Variants in DENND1A observed in about 807,000 individuals in gnomAD.
The protein encoded by DENND1A is DENN domain containing 1A.
A neutral mutation model predicts 113.7 loss-of-function variants in DENND1A; 51 were observed. The observed-to-expected ratio is 0.45, with a 90% CI of 0.36 to 0.57. DENND1A has a LOEUF of 0.57. Among genes scored for constraint, DENND1A ranks in the 20% least tolerant of loss-of-function variants. The pLI is 0.00. For synonymous variants in DENND1A, 565 were observed against 570.8 expected (o/e 0.99, Z 0.14); for missense variants, 1,258 against 1,395.9 (o/e 0.90, Z 1.57).
chr9:123,791,188 A>C (rs553498472), intron 3 of DENND1A, among the ~76,000 whole-genome samples: 50 of 152,306 alleles, frequency 3.3e-4, no homozygotes, highest in African/African-American at 1.1e-3. Flanking sequence ...TTATTTACCT[A>C]GACACAAGAC....
chr9:123,672,114 G>T (rs192866626), intron 6 of DENND1A, among the ~76,000 whole-genome samples: 7 of 152,264 alleles, frequency 4.6e-5, no homozygotes, highest in South Asian at 4.1e-4. Flanking sequence ...GAAAACTGAG[G>T]CTCCAAAAGG....
chr9:123,674,340 T>TCACA (rs1160130484), intron 6 of DENND1A, among the ~76,000 whole-genome samples: 34 of 127,810 alleles, frequency 2.7e-4, no homozygotes, highest in East Asian at 1.1e-3. Context: ...TCTGTCTCTC[T>TCACA]CTCACACACA....
At chr9:123,848,002 T>C (rs1368891926) in intron 2 of DENND1A, among the ~76,000 whole-genome samples, 1 of 151,890 alleles carries the variant, frequency 6.6e-6, no homozygotes, top group Non-Finnish European at 1.5e-5. Context: ...GCATTGGTTA[T>C]ATAAAAAAAT....
chr9:123,855,969 G>A (rs930909592), intron 2 of DENND1A, among the ~76,000 whole-genome samples: 59 of 152,172 alleles, frequency 3.9e-4, no homozygotes, highest in Middle Eastern at 3.4e-3. Flanking sequence ...CCCGGGAGGC[G>A]GAGGTTGCAT....
At chr9:123,480,832 T>C (rs2050274813) in intron 13 of DENND1A, among the ~76,000 whole-genome samples, 1 of 152,230 alleles carries the variant, frequency 6.6e-6, no homozygotes, top group South Asian at 2.1e-4. Flanking sequence ...TACACTCTTG[T>C]ATGGGAGTGA....
chr9:123,752,524 T>C (rs566807447), intron 5 of DENND1A, among the ~76,000 whole-genome samples: 1 of 152,314 alleles, frequency 6.6e-6, no homozygotes, highest in African/African-American at 2.4e-5. Context: ...ATTTGTGTAG[T>C]TCCTTTATAA....
At chr9:123,461,669 C>T (rs2048534918) in intron 13 of DENND1A, among the ~76,000 whole-genome samples, 1 of 152,180 alleles carries the variant, frequency 6.6e-6, no homozygotes, top group East Asian at 1.9e-4. Context: ...AATTTAGCTG[C>T]AGGAGAGCAG....
At chr9:123,557,866 C>T (rs1279685149) in intron 12 of DENND1A, among the ~76,000 whole-genome samples, 171 bp from the exon 13 acceptor site, 1 of 152,104 alleles carries the variant, frequency 6.6e-6, no homozygotes, top group Non-Finnish European at 1.5e-5. Flanking sequence ...GTGGCACACA[C>T]CTGTAGTCCC....
intron 14 of DENND1A, 140 bp from the exon 15 acceptor site, chr9:123,457,575 G>T: frequency 1.3e-6 from 1 of 794,412 alleles, no homozygotes; most frequent in Admixed American, 2.6e-5. Context: ...CTAAAATACC[G>T]GCTGCATATT....
chr9:123,641,436 CAAA>C (rs34664320), intron 9 of DENND1A, among the ~76,000 whole-genome samples: 41,725 of 113,282 alleles, frequency 0.37, 6,142 homozygotes, highest in Admixed American at 0.43. Context: ...AATGAAATGG[CAAA>C]AAAAAAAAAA....
chr9:123,535,875 G>A (rs1011637489), intron 13 of DENND1A, among the ~76,000 whole-genome samples: 11 of 152,086 alleles, frequency 7.2e-5, no homozygotes, highest in Non-Finnish European at 1.6e-4. Context: ...AATTCCAAGA[G>A]GGCACTTACT....
At chr9:123,756,796 T>C (rs149422115) in intron 5 of DENND1A, among the ~76,000 whole-genome samples, 3 of 152,178 alleles carry the variant, frequency 2.0e-5, no homozygotes, top group African/African-American at 7.2e-5. Context: ...GTGCAGAGAC[T>C]AGTGCCGCAG....
At chr9:123,551,842 G>C (rs905677060) in intron 13 of DENND1A, among the ~76,000 whole-genome samples, 1 of 152,156 alleles carries the variant, frequency 6.6e-6, no homozygotes, top group Admixed American at 6.5e-5. Flanking sequence ...AAGCACAGAT[G>C]GGGAGGAGAA....
In DENND1A at chr9:123,577,961, G is replaced by C. The variant is rs190270486; in HGVS notation, c.867+5208C>G. ...GTCCTGAATGACCAACAAGATCTCT[G>C]ACTCTGGTTGGTCAGAACCTGCAGG... On this transcript the variant is annotated intron_variant, in intron 12 of 23. Transcript: ENST00000394215. Among the ~76,000 whole-genome samples, 18 of 152,268 alleles carry C rather than the reference G, an allele frequency of 1.2e-4. No individual in the cohort carries two copies. In the East Asian group the frequency reaches 3.5e-3, roughly 29 times the overall value.
At chr9:123,620,376 A>G (rs1199990505) in intron 10 of DENND1A, among the ~76,000 whole-genome samples, 2 of 152,056 alleles carry the variant, frequency 1.3e-5, no homozygotes, top group African/African-American at 4.8e-5. Context: ...TATCACCTCA[A>G]AACATTTTTC....
chr9:123,567,430 A>AT (rs138896595), intron 12 of DENND1A, among the ~76,000 whole-genome samples: 1,963 of 151,954 alleles, frequency 0.013, 24 homozygotes, highest in African/African-American at 0.036. Context: ...ACATCCACCA[A>AT]TTTTTTTTTA....
At chr9:123,672,183 C>T (rs1386458729) in intron 6 of DENND1A, among the ~76,000 whole-genome samples, 1 of 152,160 alleles carries the variant, frequency 6.6e-6, no homozygotes, top group Non-Finnish European at 1.5e-5. Context: ...GGGTGAAATG[C>T]AAGCTCCAGA....
At chr9:123,589,992 C>T (rs2059383067) in intron 11 of DENND1A, among the ~76,000 whole-genome samples, 1 of 152,218 alleles carries the variant, frequency 6.6e-6, no homozygotes, top group African/African-American at 2.4e-5. Flanking sequence ...GATCATAACA[C>T]CACCTATCTC....
At chr9:123,555,399 C>T (rs1348529683) in intron 13 of DENND1A, among the ~76,000 whole-genome samples, 1 of 152,234 alleles carries the variant, frequency 6.6e-6, no homozygotes, top group Non-Finnish European at 1.5e-5. Context: ...TCTATCCTCT[C>T]CTGCAGCCCC....
Sources: allele counts gnomAD v4.1 joint callset (sites outside exome capture counted in the v4.1 genomes callset), GRCh38; gene constraint gnomAD v4.1.1; transcripts MANE v1.5; gene names NCBI Gene and HGNC (gene_info 2026-07-23, HGNC 2026-07-21).